CCNK: variants seen among roughly 807,000 people sequenced by gnomAD.
CCNK encodes cyclin-K.
A neutral mutation model predicts 65.0 loss-of-function variants in CCNK; 9 were observed. The ratio of observed to expected loss-of-function variants is 0.14; its 90% CI spans 0.08 to 0.24. The LOEUF is 0.24. Ranked by LOEUF, CCNK falls within the 10% of genes least tolerant of loss-of-function variation. The pLI, the probability that CCNK is intolerant of heterozygous loss-of-function variation, is 1.00. For missense variants in CCNK, 474 were observed against 720.0 expected (o/e 0.66, Z 3.91); for synonymous variants, 279 against 270.8 (o/e 1.03, Z -0.30).
chr14:99,489,841 A>G (rs1005998164), intron 1 of CCNK, among the ~76,000 whole-genome samples: 1 of 152,272 alleles, frequency 6.6e-6, no homozygotes, highest in Non-Finnish European at 1.5e-5. Flanking sequence ...AAATAATGAT[A>G]GTATTGGATT....
intron 1 of CCNK, among the ~76,000 whole-genome samples, chr14:99,491,034 C>T (rs1354150069): frequency 6.6e-6 from 1 of 152,010 alleles, no homozygotes; most frequent in Non-Finnish European, 1.5e-5. Flanking sequence ...GAAATTTCTC[C>T]ATCCAGTACT....
At chr14:99,487,040 A>G (rs1438593897) in intron 1 of CCNK, among the ~76,000 whole-genome samples, 1 of 152,210 alleles carries the variant, frequency 6.6e-6, no homozygotes, top group Non-Finnish European at 1.5e-5. Flanking sequence ...AAATATTTAA[A>G]TGAAAAAGTA....
intron 1 of CCNK, among the ~76,000 whole-genome samples, chr14:99,491,504 G>T (rs958918262): frequency 3.3e-5 from 5 of 152,114 alleles, no homozygotes; most frequent in African/African-American, 1.2e-4. Context: ...TTAATTAACT[G>T]GTCTCCCCCG....
In CCNK at chr14:99,500,834, A is replaced by G; in HGVS notation, c.480A>G (p.Pro160=). 6.4e-7 allele frequency: 1 copy of G among 1,561,716 alleles called. No homozygotes were observed. The highest frequency in any genetic ancestry group is 8.7e-7 in the Non-Finnish European group (1 of 1,151,768). ...AGTTTGATTTACAGGTAGAACATCC[A>G]TACCAGTTCCTACTAAAATATGCAA... ...TIKFDLQVEH[P]YQFLLKYAKQ... is the part of the protein sequence containing the mutation. Residue 160 remains proline, a synonymous_variant, in exon 5 of 11, where the codon CCA becomes CCG. Transcript: ENST00000389879.
chr14:99,495,484 T>C lies in CCNK; in HGVS notation c.280-14T>C. 6.3e-7 allele frequency: 1 copy of C among 1,596,094 alleles called. No homozygotes were observed. Among genetic ancestry groups the C allele is most frequent in the African/African-American group, 1.4e-5 (1 of 73,656 alleles). ...TTTGATAACAAAAATCAAGAACTTT[T>C]GTTTCCCTTTTAGGTGACAGGAGCC... is the stretch of plus-strand genomic sequence containing the variant. On this transcript the variant is annotated splice_polypyrimidine_tract_variant and intron_variant, in intron 3 of 10. Transcript: ENST00000389879.
At chr14:99,503,726 C>T in intron 9 of CCNK, 82 bp downstream of exon 9, 1 of 1,264,728 alleles carries the variant, frequency 7.9e-7, no homozygotes, top group Non-Finnish European at 1.1e-6. Flanking sequence ...TGTTTCTTTT[C>T]AGATCTAAAT....
intron 1 of CCNK, among the ~76,000 whole-genome samples, chr14:99,482,511 T>C (rs886190343): frequency 2.6e-5 from 4 of 152,258 alleles, no homozygotes; most frequent in African/African-American, 9.6e-5. Context: ...TGCTTACCTG[T>C]TAAATAATCT....
chr14:99,502,879 C>G lies in CCNK; in HGVS notation c.906C>G (p.Pro302=), dbSNP rs1566751648. The change falls in exon 8 of 11, where the codon CCC becomes CCG. Residue 302 remains proline (P), a synonymous_variant. Coordinates refer to ENST00000389879, the MANE Select transcript of CCNK (RefSeq NM_001099402.2). The stretch of plus-strand genomic sequence containing the variant: ...CTCAAAGCTCCGAACCATCCCAGCC[C>G]CAGCAGAAGGACCCCCAGCAACCAG... ...QPSQSSEPSQ[P]QQKDPQQPAQ... is the part of the protein sequence containing the mutation. The G allele has an allele frequency of 1.2e-6, 2 of 1,613,364 alleles. No homozygotes were observed. Among genetic ancestry groups the G allele is most frequent in the Non-Finnish European group, 1.7e-6 (2 of 1,179,610 alleles).
intron 4 of CCNK, among the ~76,000 whole-genome samples, chr14:99,496,448 C>T (rs1255965465): frequency 1.3e-5 from 2 of 152,126 alleles, no homozygotes; most frequent in Non-Finnish European, 2.9e-5. Flanking sequence ...TGGTGGCTCA[C>T]GCCTGTAATC....
At chr14:99,496,740 A>T (rs1356919332) in intron 4 of CCNK, among the ~76,000 whole-genome samples, 3 of 142,152 alleles carry the variant, frequency 2.1e-5, no homozygotes, top group Admixed American at 1.4e-4. Context: ...ATATTACTTT[A>T]AAAAAAAAAA....
At position 99,510,736 on chromosome 14, in the gene CCNK, G is replaced by A. The variant is rs868509054; in HGVS notation, c.1697G>A (p.Gly566Asp). The A allele has an allele frequency of 6.9e-7, 1 of 1,450,636 alleles. No homozygotes were observed. The highest frequency in any genetic ancestry group is 1.6e-5 in the South Asian group (1 of 63,972). The allele number at this position is 1,450,636 out of a possible 1,614,324, so 89.9% of individuals were successfully genotyped here. The change falls in exon 11 of 11, where the codon GGC becomes GAC. Residue 566 changes from glycine to aspartate, a missense_variant. Around this residue, in one of 6 missense-constraint regions of CCNK, gnomAD observed 53 missense variants for 91.4 expected, o/e 0.58. Coordinates refer to ENST00000389879, the MANE Select transcript of CCNK (RefSeq NM_001099402.2). ...GTGCCCCCGCCCATTCCCCCACCCG[G>A]CATGCCTCCAGTTGGGGGGCTGGGG... ...PPVPPPIPPP[G>D]MPPVGGLGRA...
At chr14:99,483,761 C>A (rs1388299171) in intron 1 of CCNK, among the ~76,000 whole-genome samples, 1 of 152,164 alleles carries the variant, frequency 6.6e-6, no homozygotes, top group Non-Finnish European at 1.5e-5. Context: ...TTACCAAACC[C>A]GAAATGTTGA....
At chr14:99,494,701 C>T (rs150402592) in intron 3 of CCNK, 1 of 152,338 alleles carries the variant, frequency 6.6e-6, no homozygotes, top group Non-Finnish European at 1.5e-5. Flanking sequence ...ACTGGAGGGA[C>T]AGTTTCTTCA....
chr14:99,498,069 G>A (rs1896739239), intron 4 of CCNK, among the ~76,000 whole-genome samples: 1 of 152,210 alleles, frequency 6.6e-6, no homozygotes, highest in Non-Finnish European at 1.5e-5. Flanking sequence ...GGTGAACCTT[G>A]TGGCTGGCAA....
At chr14:99,491,933 T>TTCTG (rs1896605950) in intron 1 of CCNK, 1 of 152,268 alleles carries the variant, frequency 6.6e-6, no homozygotes, top group African/African-American at 2.4e-5. Context: ...TTTTCTTTCT[T>TTCTG]TCTTTCTCTC....
At chr14:99,497,827 T>C (rs1164093885) in intron 4 of CCNK, among the ~76,000 whole-genome samples, 1 of 151,440 alleles carries the variant, frequency 6.6e-6, no homozygotes, top group African/African-American at 2.5e-5. Context: ...GGTAACTCTT[T>C]TGAACTTAAT....
chr14:99,489,735 A>G (rs1448643593), intron 1 of CCNK, among the ~76,000 whole-genome samples: 1 of 152,180 alleles, frequency 6.6e-6, no homozygotes, highest in East Asian at 1.9e-4. Context: ...TTAAATATTT[A>G]CATGATTCAA....
At position 99,502,784 on chromosome 14, in the gene CCNK, C is replaced by G; in HGVS notation, c.811C>G (p.His271Asp). Reference protein sequence around the residue: ...GKQQMPHHTPHQLQQPPSLQP... With the variant: ...GKQQMPHHTPDQLQQPPSLQP... The stretch of plus-strand genomic sequence containing the variant: ...ACAACAGATGCCTCATCACACCCCC[C>G]ATCAGCTGCAACAGCCCCCATCTCT... Residue 271 changes from histidine (H) to aspartate (D), a missense_variant, in exon 8 of 11, where the codon CAT becomes GAT. By Grantham distance (81) the His-to-Asp change is moderately conservative. Around this residue, in one of 6 missense-constraint regions of CCNK, gnomAD observed 67 missense variants for 150.2 expected, o/e 0.45. Coordinates refer to ENST00000389879, the MANE Select transcript of CCNK (RefSeq NM_001099402.2). 1 of 1,613,862 alleles carries G rather than the reference C, an allele frequency of 6.2e-7. No individual in the cohort carries two copies. The highest frequency in any genetic ancestry group is 8.5e-7 in the Non-Finnish European group (1 of 1,179,812).
rs1489752414 is a variant in CCNK, at chr14:99,510,302, G to GCCCCCA, written c.1269_1274dup (p.Pro424_Pro425dup). 2.8e-5 allele frequency: 12 copies of GCCCCCA among 435,436 alleles called. No homozygotes were observed. Among genetic ancestry groups the GCCCCCA allele is most frequent in the African/African-American group, 2.6e-4 (4 of 15,524 alleles). 27.0% of individuals were successfully genotyped at this position (435,436 alleles called of 1,614,324 possible). ...CACCGCCGCTGCCACACCGGCCCCC[G>GCCCCCA]CCCCCACCCCCCTCCAGCTACATGA... On this transcript the variant is annotated inframe_insertion, in exon 11 of 11. Transcript: ENST00000389879.
Sources: gnomAD v4.1 joint callset for allele counts (sites outside exome capture counted in the v4.1 genomes callset) on GRCh38, gnomAD v4.1.1 for gene constraint, gnomAD v4.1.1 regional missense constraint, MANE v1.5 for transcripts, NCBI Gene and HGNC (gene_info 2026-07-23, HGNC 2026-07-21) for gene names.